The following OPA1 variants were observed in gnomAD, a reference collection of about 807,000 sequenced individuals.
OPA1 encodes OPA1 mitochondrial dynamin like GTPase, also known as dynamin-like GTPase OPA1, mitochondrial.
OPA1 carries 59 observed loss-of-function variants against 152.9 expected under a neutral mutation model. The observed-to-expected ratio is 0.39, with a 90% CI of 0.31 to 0.48. The LOEUF is 0.48. Ranked by LOEUF, OPA1 falls within the 20% of genes least tolerant of loss-of-function variation. The pLI is 0.96. For missense variants in OPA1, 1,008 were observed against 1,216.8 expected, an observed-to-expected ratio of 0.83 and a Z score of 2.55; for synonymous variants, 400 against 389.9, an observed-to-expected ratio of 1.03 and a Z score of -0.31.
chr3:193,593,673 G>T (rs959112038), intron 1 of OPA1, among the ~76,000 whole-genome samples: 1 of 152,086 alleles, frequency 6.6e-6, no homozygotes, highest in Non-Finnish European at 1.5e-5. Context: ...CGTCTCTATT[G>T]TCCTTTTGTC....
chr3:193,659,400 T>G (rs1259656829), intron 24 of OPA1, 82 bp from the exon 25 acceptor site: 1 of 1,232,772 alleles, frequency 8.1e-7, no homozygotes, highest in African/African-American at 1.5e-5. Context: ...TTTGAAATAG[T>G]TAAGAAAGCA....
chr3:193,610,655 A>G (rs576027759), intron 1 of OPA1, among the ~76,000 whole-genome samples: 1 of 152,230 alleles, frequency 6.6e-6, no homozygotes, highest in Non-Finnish European at 1.5e-5. Flanking sequence ...AGAGGAAGGC[A>G]GGCCTCCTTG....
intron 29 of OPA1, among the ~76,000 whole-genome samples, chr3:193,679,964 C>G (rs960974179): frequency 6.6e-6 from 1 of 152,076 alleles, no homozygotes; most frequent in African/African-American, 2.4e-5. Flanking sequence ...TAAACAGCAC[C>G]TCTGTAAGAT....
At chr3:193,612,684 G>A (rs1486187688) in intron 1 of OPA1, among the ~76,000 whole-genome samples, 3 of 152,128 alleles carry the variant, frequency 2.0e-5, no homozygotes, top group East Asian at 1.9e-4. Context: ...CATGTTCTGG[G>A]CCCATAATTT....
At chr3:193,611,065 C>G (rs1728160667) in intron 1 of OPA1, among the ~76,000 whole-genome samples, 1 of 152,208 alleles carries the variant, frequency 6.6e-6, no homozygotes, top group Non-Finnish European at 1.5e-5. Context: ...TCTGACAATC[C>G]CCAGTGAGAT....
At chr3:193,663,105 T>A (rs1459231276) in intron 26 of OPA1, 143 bp downstream of exon 26, 8 of 753,728 alleles carry the variant, frequency 1.1e-5, no homozygotes, top group Non-Finnish European at 1.8e-5. Flanking sequence ...AAAAGCTTAG[T>A]CATTTTGATT....
chr3:193,643,934 C>T (rs1331286610), intron 15 of OPA1, 41 bp from the exon 16 acceptor site: 19 of 1,604,800 alleles, frequency 1.2e-5, no homozygotes, highest in Non-Finnish European at 1.4e-5. Flanking sequence ...GTCTACTTTA[C>T]ATCTTAAAAT....
chr3:193,643,699 A>G (rs997696265), intron 15 of OPA1, 72 bp downstream of exon 15: 19 of 1,313,646 alleles, frequency 1.4e-5, no homozygotes, highest in Non-Finnish European at 2.1e-5. Context: ...TGCATTAAAT[A>G]GTTTGTGTTA....
chr3:193,616,349 C>G (rs1729011366), intron 3 of OPA1, among the ~76,000 whole-genome samples: 1 of 152,080 alleles, frequency 6.6e-6, no homozygotes, highest in South Asian at 2.1e-4. Flanking sequence ...ATGAATACTA[C>G]CACAGAATAG....
At chr3:193,596,385 C>CTTAA (rs1725571616) in intron 1 of OPA1, among the ~76,000 whole-genome samples, 9 of 78,614 alleles carry the variant, frequency 1.1e-4, no homozygotes, top group Admixed American at 4.6e-4. Context: ...CTTTTCTTTT[C>CTTAA]TTTTCTGTTC....
intron 29 of OPA1, among the ~76,000 whole-genome samples, chr3:193,674,628 T>C (rs1476844118): frequency 6.6e-6 from 1 of 152,174 alleles, no homozygotes; most frequent in African/African-American, 2.4e-5. Context: ...AGTCAGAACA[T>C]AGCTAAATAG....
chr3:193,665,035 A>G lies in OPA1; in HGVS notation c.2778+39A>G, dbSNP rs769461810. The G allele has an allele frequency of 7.2e-6, 8 of 1,111,346 alleles. No individual in the cohort carries two copies. The Admixed American group carries it at 1.0e-4, about 14-fold the overall frequency. 68.8% of individuals were successfully genotyped at this position (1,111,346 alleles called of 1,614,324 possible). A position where few individuals can be genotyped will look rare whatever the true frequency, so the allele number is the denominator to read the frequency against. Reference sequence around the variant, plus strand: ...AAACAAAGAGAAGTATTTTTAAGCAACAGTTGTCAAAATATGCTTAAAAGT... The same window carrying G: ...AAACAAAGAGAAGTATTTTTAAGCAGCAGTTGTCAAAATATGCTTAAAAGT... On this transcript the variant is annotated intron_variant, in intron 27 of 30. Coordinates refer to ENST00000361510, the MANE Select transcript of OPA1 (RefSeq NM_130837.3).
rs922462754 is a variant in OPA1, at chr3:193,697,347, G to A, written c.*2747G>A. On this transcript the variant is annotated 3_prime_UTR_variant, in exon 31 of 31. Coordinates refer to ENST00000361510, the MANE Select transcript of OPA1 (RefSeq NM_130837.3). ...TATGCTTACCTTTTGAATGATCATG[G>A]CTATATGTTGTTGAGATATTTGAAA... The A allele has an allele frequency of 6.6e-6, 1 of 152,138 alleles. No individual in the cohort carries two copies. Among genetic ancestry groups the A allele is most frequent in the Non-Finnish European group, 1.5e-5 (1 of 68,014 alleles). 9.4% of individuals were successfully genotyped at this position (152,138 alleles called of 1,614,324 possible). A position where few individuals can be genotyped will look rare whatever the true frequency, so the allele number is the denominator to read the frequency against.
intron 27 of OPA1, 109 bp downstream of exon 27, chr3:193,665,105 G>A: frequency 1.5e-6 from 1 of 678,894 alleles, no homozygotes; most frequent in South Asian, 1.7e-5. Context: ...GATCATCTGG[G>A]GAAAAAAAGT....
intron 4 of OPA1, 66 bp from the exon 5 acceptor site, chr3:193,617,718 C>T (rs1472218401): frequency 1.7e-6 from 2 of 1,170,018 alleles, no homozygotes; most frequent in East Asian, 4.7e-5. Flanking sequence ...AGATCTCAGA[C>T]ATCTTTGTTT....
intron 30 of OPA1, among the ~76,000 whole-genome samples, chr3:193,693,244 A>G (rs910026834): frequency 5.2e-5 from 8 of 152,382 alleles, no homozygotes; most frequent in Admixed American, 3.9e-4. Context: ...TACAACTTCC[A>G]TGGTACATCA....
At chr3:193,610,958 G>A (rs1201232685) in intron 1 of OPA1, among the ~76,000 whole-genome samples, 1 of 152,202 alleles carries the variant, frequency 6.6e-6, no homozygotes, top group African/African-American at 2.4e-5. Flanking sequence ...GCTAGGAAAG[G>A]GAATTCCCTG....
intron 6 of OPA1, among the ~76,000 whole-genome samples, chr3:193,623,143 T>G (rs1480760950): frequency 1.3e-5 from 2 of 152,182 alleles, no homozygotes. Context: ...AGATGATGCC[T>G]TCTCCCTATA....
rs1177278443 is a variant in OPA1, at chr3:193,657,201, A to G, written c.2300A>G (p.His767Arg). 1 of 1,614,054 alleles carries G rather than the reference A, an allele frequency of 6.2e-7. No homozygotes were observed. ...EAVKEESIKR[H>R]KWNDFAEDSL... ...GTTAAGGAAGAAAGTATTAAACGAC[A>G]CAAGTGGAATGACTTTGCGGAGGAC... is the stretch of plus-strand genomic sequence containing the variant. Residue 767 changes from histidine (H) to arginine (R), a missense_variant, in exon 23 of 31, where the codon CAC (histidine) becomes CGC (arginine). By Grantham distance (29) the His-to-Arg change is conservative (BLOSUM62 0). Transcript: ENST00000361510.
Sources: allele counts gnomAD v4.1 joint callset (sites outside exome capture counted in the v4.1 genomes callset), GRCh38; gene constraint gnomAD v4.1.1; transcripts MANE v1.5; gene names NCBI Gene and HGNC (gene_info 2026-07-23, HGNC 2026-07-21).